Variants in KDM6A observed in about 807,000 individuals in gnomAD.
KDM6A encodes lysine-specific demethylase 6A.
A neutral mutation model predicts 117.6 loss-of-function variants in KDM6A; 11 were observed. That is an observed-to-expected ratio of 0.09 (90% confidence interval 0.06 to 0.15). The LOEUF (loss-of-function observed/expected upper bound fraction) is 0.15. Ranked by LOEUF, KDM6A falls within the 10% of genes least tolerant of loss-of-function variation. The pLI is 1.00. For missense variants in KDM6A, 799 were observed against 1,077.3 expected (o/e 0.74, Z 3.62); for synonymous variants, 384 against 396.1 (o/e 0.97, Z 0.36).
intron 4 of KDM6A, among the ~76,000 whole-genome samples, chrX:44,989,154 C>G (rs903495989): frequency 7.7e-5 from 8 of 103,272 alleles, no homozygotes; most frequent in Admixed American, 6.5e-4. Flanking sequence ...TGATCTCAGA[C>G]TGCTGTGCTA....
At chrX:45,068,578 A>G (rs1160863024) in intron 17 of KDM6A, among the ~76,000 whole-genome samples, 183 of 103,894 alleles carry the variant, frequency 1.8e-3, no homozygotes, top group African/African-American at 3.7e-3. Context: ...AAAAAAAAAA[A>G]AGAGAGACAC....
chrX:44,896,368 C>T (rs894201892), intron 2 of KDM6A, among the ~76,000 whole-genome samples: 1 of 111,180 alleles, frequency 9.0e-6, no homozygotes, highest in Non-Finnish European at 1.9e-5. Flanking sequence ...TGAGTCACCG[C>T]GCCCGGCCAA....
At chrX:45,094,959 C>T (rs933779871) in intron 27 of KDM6A, among the ~76,000 whole-genome samples, 6 of 111,008 alleles carry the variant, frequency 5.4e-5, no homozygotes, top group Non-Finnish European at 1.1e-4. Flanking sequence ...AGACTTTCTT[C>T]TGTCAGAGAG....
At chrX:44,998,386 C>T (rs1178161181) in intron 4 of KDM6A, among the ~76,000 whole-genome samples, 2 of 111,660 alleles carry the variant, frequency 1.8e-5, no homozygotes, top group Non-Finnish European at 3.8e-5. Flanking sequence ...AAGATTGTTA[C>T]CACTATCTAA....
At chrX:44,889,008 G>A (rs773529557) in intron 2 of KDM6A, among the ~76,000 whole-genome samples, 2 of 111,989 alleles carry the variant, frequency 1.8e-5, no homozygotes, top group Admixed American at 1.9e-4. Context: ...TCTATTGAAA[G>A]TAAGCATTTA....
chrX:44,900,985 T>A (rs143218884), intron 2 of KDM6A, among the ~76,000 whole-genome samples: 2,517 of 112,923 alleles, frequency 0.022, 33 homozygotes, highest in Middle Eastern at 0.051. Flanking sequence ...TTTAAAGTTT[T>A]TCATATATTT....
intron 10 of KDM6A, among the ~76,000 whole-genome samples, chrX:45,056,286 T>C (rs1364874436): frequency 9.0e-6 from 1 of 111,689 alleles, no homozygotes; most frequent in Non-Finnish European, 1.9e-5. Context: ...GTAAGAAACA[T>C]TTTATGAATG....
chrX:44,878,669 C>A (rs1424974820), intron 2 of KDM6A, among the ~76,000 whole-genome samples: 3 of 110,863 alleles, frequency 2.7e-5, no homozygotes, highest in African/African-American at 9.8e-5. Flanking sequence ...TCTGTCGAAT[C>A]AATTACAAAT....
rs142567070 is a variant in KDM6A at position 45,020,216 on chromosome X, G to A, written c.444-394G>A. Among the ~76,000 whole-genome samples, 26 of 111,650 alleles carry A rather than the reference G, an allele frequency of 2.3e-4. No individual in the cohort carries two copies. The East Asian group carries it at 7.0e-3, about 30-fold the overall frequency. On this transcript the variant is annotated intron_variant, in intron 5 of 29. Transcript: ENST00000611820. ...TAGAAAGAAGACTTATTTTTATAGAGTAGACCAGAAACAAGATTAATCCCA... is the reference window on the plus strand; with the variant it reads ...TAGAAAGAAGACTTATTTTTATAGAATAGACCAGAAACAAGATTAATCCCA...
chrX:44,874,687 A>C (rs2031290372), intron 2 of KDM6A, among the ~76,000 whole-genome samples: 1 of 96,223 alleles, frequency 1.0e-5, no homozygotes, highest in Non-Finnish European at 2.0e-5. Context: ...GTCTTTTTTT[A>C]TTTGTGTGGA....
At chrX:45,029,641 A>T (rs1402437436) in intron 6 of KDM6A, among the ~76,000 whole-genome samples, 1 of 109,940 alleles carries the variant, frequency 9.1e-6, no homozygotes, top group African/African-American at 3.3e-5. Flanking sequence ...TTTTAAAAGG[A>T]TATTCTACAG....
intron 17 of KDM6A, among the ~76,000 whole-genome samples, chrX:45,064,750 C>T (rs2044458303): frequency 9.0e-6 from 1 of 111,546 alleles, no homozygotes; most frequent in South Asian, 3.7e-4. Flanking sequence ...GGCTGATTGT[C>T]GGTTAGTCTT....
Position 45,053,847 on chromosome X carries a change from T to C in KDM6A, c.767T>C (p.Val256Ala). Residue 256 changes from valine (V) to alanine (A), a missense_variant, in exon 10 of 30, where the codon GTA (valine) becomes GCA (alanine). Val to Ala is a moderately conservative substitution (Grantham distance 64). Transcript: ENST00000611820. ...ACTGTAGGTTGGATGCATCACACTG[T>C]AGATCTCCTGGGAGATAAAGCCACC... is the stretch of plus-strand genomic sequence containing the variant. ...LQQLGWMHHT[V>A]DLLGDKATKE... The C allele has an allele frequency of 1.7e-6, 2 of 1,197,686 alleles. No homozygotes were observed. The highest frequency in any genetic ancestry group is 2.3e-4 in the Middle Eastern group (1 of 4,325).
At chrX:45,038,476 C>G (rs1371308529) in intron 8 of KDM6A, among the ~76,000 whole-genome samples, 1 of 110,519 alleles carries the variant, frequency 9.0e-6, no homozygotes, top group Non-Finnish European at 1.9e-5. Context: ...ATGGCTCCTT[C>G]ACTTTAAAAA....
At chrX:44,947,537 G>A (rs990216243) in intron 2 of KDM6A, among the ~76,000 whole-genome samples, 2 of 109,310 alleles carry the variant, frequency 1.8e-5, no homozygotes, top group South Asian at 7.9e-4. Context: ...CACCACGCCC[G>A]ACTAATTGTT....
intron 2 of KDM6A, among the ~76,000 whole-genome samples, chrX:44,957,156 A>G (rs1200462218): frequency 9.0e-6 from 1 of 111,181 alleles, no homozygotes; most frequent in Non-Finnish European, 1.9e-5. Flanking sequence ...AATAAAAATA[A>G]AAATTATAGG....
intron 8 of KDM6A, among the ~76,000 whole-genome samples, chrX:45,040,679 C>G (rs2043094883): frequency 1.3e-5 from 1 of 77,849 alleles, no homozygotes; most frequent in Non-Finnish European, 2.5e-5. Context: ...GGGGCTGACC[C>G]CCCCCACCTC....
chrX:45,012,760 C>T (rs1375016930), intron 5 of KDM6A, among the ~76,000 whole-genome samples: 1 of 111,230 alleles, frequency 9.0e-6, no homozygotes, highest in Non-Finnish European at 1.9e-5. Context: ...CTTTTTCTTC[C>T]CTCTTAGCTT....
intron 4 of KDM6A, among the ~76,000 whole-genome samples, chrX:44,977,554 G>A (rs1468766166): frequency 2.7e-5 from 3 of 111,630 alleles, no homozygotes; most frequent in Admixed American, 9.5e-5. Flanking sequence ...GTGAGCCACC[G>A]CACTTGGCCT....
Sources: gnomAD v4.1 joint callset for allele counts (sites outside exome capture counted in the v4.1 genomes callset) on GRCh38, gnomAD v4.1.1 for gene constraint, MANE v1.5 for transcripts, NCBI Gene and HGNC (gene_info 2026-07-23, HGNC 2026-07-21) for gene names.